GALNT2: variants seen among roughly 807,000 people sequenced by gnomAD.
GALNT2 encodes the protein UDP-GalNAc:polypeptide N-acetylgalactosaminyltransferase 2.
In GALNT2, 31 loss-of-function variants were observed where a neutral mutation model predicts 81.4. The observed-to-expected ratio is 0.38, with a 90% CI of 0.29 to 0.51. The LOEUF (loss-of-function observed/expected upper bound fraction) is 0.51. Among genes scored for constraint, GALNT2 ranks in the 20% least tolerant of loss-of-function variants. The pLI is 0.87. For missense variants in GALNT2, 629 were observed against 765.7 expected (o/e 0.82, Z 2.11); for synonymous variants, 303 against 287.4 (o/e 1.05, Z -0.55).
chr1:230,092,437 G>A (rs1179824277), intron 1 of GALNT2, among the ~76,000 whole-genome samples: 2 of 151,238 alleles, frequency 1.3e-5, no homozygotes, highest in Non-Finnish European at 2.9e-5. Context: ...TCTGCCTCCC[G>A]GGTTCAAATG....
chr1:230,169,334 A>G (rs897082550), intron 1 of GALNT2, among the ~76,000 whole-genome samples: 1 of 152,138 alleles, frequency 6.6e-6, no homozygotes, highest in African/African-American at 2.4e-5. Flanking sequence ...TTACATTTTC[A>G]TGTTATATCT....
chr1:230,149,245 G>C (rs1662019973), intron 1 of GALNT2, among the ~76,000 whole-genome samples: 1 of 152,140 alleles, frequency 6.6e-6, no homozygotes, highest in Non-Finnish European at 1.5e-5. Flanking sequence ...GGCTCCTGAA[G>C]TCATTTTATG....
intron 1 of GALNT2, among the ~76,000 whole-genome samples, chr1:230,133,033 A>G (rs1234478480): frequency 6.6e-6 from 1 of 152,126 alleles, no homozygotes; most frequent in African/African-American, 2.4e-5. Context: ...TTTTTAATAT[A>G]CTCGTGGTAA....
At position 230,193,512 on chromosome 1, in the gene GALNT2, C is replaced by T. The variant is rs1663593549; in HGVS notation, c.221-9625C>T. Among the ~76,000 whole-genome samples, 1 of 151,910 alleles carries T rather than the reference C, an allele frequency of 6.6e-6. No homozygotes were observed. Among genetic ancestry groups the T allele is most frequent in the Non-Finnish European group, 1.5e-5 (1 of 67,960 alleles). On this transcript the variant is annotated intron_variant, in intron 2 of 15. Transcript: ENST00000366672. The surrounding 1 kb of genome is among the most constrained non-coding windows in gnomAD (Gnocchi z 4.3). ...CTCTCTGTGCTGGGGTGTGCGTGCG[C>T]CTCTGTGTGCTGGGGTCTTCATGTG...
chr1:230,179,457 G>A (rs1663090524), intron 2 of GALNT2, among the ~76,000 whole-genome samples: 1 of 152,222 alleles, frequency 6.6e-6, no homozygotes, highest in South Asian at 2.1e-4. Context: ...ATCCTCACCA[G>A]CATTTGGTGT....
chr1:230,158,152 C>T (rs1347920363), intron 1 of GALNT2, among the ~76,000 whole-genome samples: 1 of 151,816 alleles, frequency 6.6e-6, no homozygotes, highest in Non-Finnish European at 1.5e-5. Context: ...TTGCATGGGG[C>T]GTGGTGGAAC....
At chr1:230,165,418 A>G (rs569230688) in intron 1 of GALNT2, among the ~76,000 whole-genome samples, 2 of 152,330 alleles carry the variant, frequency 1.3e-5, no homozygotes, top group South Asian at 4.1e-4. Flanking sequence ...TTTCTCTTAT[A>G]AATAATGCTG....
intron 2 of GALNT2, among the ~76,000 whole-genome samples, chr1:230,192,816 A>G (rs1663571996): frequency 1.3e-5 from 2 of 151,930 alleles, no homozygotes; most frequent in African/African-American, 4.8e-5. Context: ...TTAATCATGG[A>G]TGTGTGGGAT....
intron 10 of GALNT2, among the ~76,000 whole-genome samples, chr1:230,253,345 G>A (rs567654745): frequency 1.8e-4 from 28 of 152,258 alleles, no homozygotes; most frequent in African/African-American, 5.8e-4. Flanking sequence ...AACTCATGGT[G>A]TTCTGACCCC....
intron 2 of GALNT2, among the ~76,000 whole-genome samples, chr1:230,187,223 A>G (rs1007451119): frequency 1.3e-5 from 2 of 152,238 alleles, no homozygotes; most frequent in Admixed American, 1.3e-4. Context: ...CAATTTTCTG[A>G]TCGCACACTC....
At chr1:230,082,757 C>T (rs1397891059) in intron 1 of GALNT2, among the ~76,000 whole-genome samples, 1 of 152,180 alleles carries the variant, frequency 6.6e-6, no homozygotes, top group African/African-American at 2.4e-5. Flanking sequence ...GATGATAGAG[C>T]AGGGGATCCA....
At chr1:230,232,625 C>T (rs562929125) in intron 3 of GALNT2, among the ~76,000 whole-genome samples, 7 of 152,342 alleles carry the variant, frequency 4.6e-5, no homozygotes, top group African/African-American at 1.4e-4. Flanking sequence ...TAAGTGGGAC[C>T]TAATTGCAGA....
rs72646701 is a variant in GALNT2 at position 230,203,300 on chromosome 1, C to G, written c.374+10C>G. The G allele has an allele frequency of 2.0e-3, 3,157 of 1,610,898 alleles. 2 individuals carry two copies. The highest frequency in any genetic ancestry group is 2.1e-3 in the Non-Finnish European group (2,527 of 1,177,384). On this transcript the variant is annotated intron_variant, in intron 3 of 15. Coordinates refer to ENST00000366672, the MANE Select transcript of GALNT2 (RefSeq NM_004481.5). ...ACACCCGGCATGACCAGTAAGTACC[C>G]CACTAAGCACCTGCTGCAGCTTCAT...
At chr1:230,146,558 C>T in intron 1 of GALNT2, among the ~76,000 whole-genome samples, 1 of 152,136 alleles carries the variant, frequency 6.6e-6, no homozygotes, top group East Asian at 1.9e-4. Flanking sequence ...AACTCAGCCA[C>T]CTTATACCAA....
Position 230,216,618 on chromosome 1 carries a change from G to A in GALNT2, c.374+13328G>A, listed in dbSNP as rs373831840. Among the ~76,000 whole-genome samples, 213 of 152,202 alleles carry A rather than the reference G, an allele frequency of 1.4e-3. 2 individuals carry two copies. In the South Asian group the frequency reaches 0.015, roughly 11 times the overall value. ...TTTAAAAAATTGTTTAGTAGAGATG[G>A]GGTGTTGCTATGTTGCCCACACTGG... On this transcript the variant is annotated intron_variant, in intron 3 of 15. Coordinates refer to ENST00000366672, the MANE Select transcript of GALNT2 (RefSeq NM_004481.5).
In GALNT2 at chr1:230,143,571, C is replaced by T. The variant is rs560529570; in HGVS notation, c.127-34647C>T. 1.8e-4 allele frequency among the ~76,000 whole-genome samples: 28 copies of T among 152,238 alleles called. No individual in the cohort carries two copies. In the South Asian group the frequency reaches 4.4e-3, roughly 24 times the overall value. On this transcript the variant is annotated intron_variant, in intron 1 of 15. Transcript: ENST00000366672. ...GAGGCATGGCAGGTGCAGTAGGGGC[C>T]AAGGAGAAAGAGGTCGTCTGTCGGC... is the stretch of plus-strand genomic sequence containing the variant.
At chr1:230,111,447 C>T (rs1305217251) in intron 1 of GALNT2, among the ~76,000 whole-genome samples, 2 of 152,202 alleles carry the variant, frequency 1.3e-5, no homozygotes, top group East Asian at 1.9e-4. Flanking sequence ...TCAAGGTGAA[C>T]CCTCCCCAGA....
At chr1:230,166,244 A>ATT (rs1662598077) in intron 1 of GALNT2, among the ~76,000 whole-genome samples, 1 of 152,232 alleles carries the variant, frequency 6.6e-6, no homozygotes, top group Non-Finnish European at 1.5e-5. Context: ...TAATGAGAAA[A>ATT]TGTACATTTT....
At chr1:230,184,710 A>T (rs2102690853) in intron 2 of GALNT2, among the ~76,000 whole-genome samples, 1 of 152,066 alleles carries the variant, frequency 6.6e-6, no homozygotes, top group East Asian at 1.9e-4. Context: ...GCCTCAGTGT[A>T]GTTTTTGGAG....
Sources: gnomAD v4.1 joint callset for allele counts (sites outside exome capture counted in the v4.1 genomes callset) on GRCh38, gnomAD v4.1.1 for gene constraint, Gnocchi (gnomAD v3.1) non-coding constraint, MANE v1.5 for transcripts, NCBI Gene and HGNC (gene_info 2026-07-23, HGNC 2026-07-21) for gene names.